Variants in ARL6 observed in about 807,000 individuals in gnomAD.
The protein encoded by ARL6 is ADP-ribosylation factor-like protein 6.
ARL6 carries 18 observed loss-of-function variants against 27.1 expected under a neutral mutation model. The observed-to-expected ratio is 0.66, with a 90% CI of 0.46 to 0.98. The LOEUF is 0.98. Ranked by LOEUF, ARL6 falls within the 50% of genes least tolerant of loss-of-function variation. The probability of loss-of-function intolerance (pLI) is 0.00; values close to 1 mark genes in which losing one functional copy is unlikely to be tolerated. For synonymous variants in ARL6, 65 were observed against 72.3 expected (o/e 0.90, Z 0.51); for missense variants, 187 against 214.9 (o/e 0.87, Z 0.81).
At chr3:97,782,680 A>G (rs1207862647) in intron 4 of ARL6, among the ~76,000 whole-genome samples, 1 of 151,842 alleles carries the variant, frequency 6.6e-6, no homozygotes, top group Non-Finnish European at 1.5e-5. Flanking sequence ...TTTTACTTTT[A>G]GAAAAGTATT....
chr3:97,793,169 T>A (rs565440254), intron 7 of ARL6, among the ~76,000 whole-genome samples: 2 of 152,354 alleles, frequency 1.3e-5, no homozygotes, highest in African/African-American at 4.8e-5. Flanking sequence ...TACTTCTGTG[T>A]CTTTTATGTT....
At chr3:97,780,774 G>C (rs1029263857) in intron 4 of ARL6, 91 bp downstream of exon 4, 4 of 996,064 alleles carry the variant, frequency 4.0e-6, no homozygotes, top group Non-Finnish European at 6.2e-6. Flanking sequence ...AGGTTGTTTG[G>C]CTTTTTTTTT....
intron 7 of ARL6, among the ~76,000 whole-genome samples, chr3:97,796,357 A>T (rs2038003533): frequency 6.6e-6 from 1 of 152,172 alleles, no homozygotes; most frequent in South Asian, 2.1e-4. Flanking sequence ...GTTCTTGGAA[A>T]ATAAGAATAT....
At chr3:97,768,934 T>TGTCA (rs2036513919) in intron 2 of ARL6, among the ~76,000 whole-genome samples, 1 of 152,074 alleles carries the variant, frequency 6.6e-6, no homozygotes, top group African/African-American at 2.4e-5. Flanking sequence ...TTCAAACCTC[T>TGTCA]GTCACTCAGT....
chr3:97,791,868 T>G, intron 7 of ARL6, 42 bp downstream of exon 7: 1 of 1,541,302 alleles, frequency 6.5e-7, no homozygotes. Flanking sequence ...TTTGTTTCCT[T>G]TTTATTCATA....
chr3:97,780,199 T>A lies in ARL6; in HGVS notation c.164T>A (p.Ile55Lys). 6.2e-7 allele frequency: 1 copy of A among 1,612,986 alleles called. No homozygotes were observed. Among genetic ancestry groups the A allele is most frequent in the African/African-American group, 1.3e-5 (1 of 75,026 alleles). The change falls in exon 3 of 8, where the codon ATA becomes AAA. Residue 55 changes from isoleucine (I) to lysine (K), a missense_variant. Transcript: ENST00000463745. ...ATCCTTCCAACAATAGGATTCAGCA[T>A]AGAGAAATTCAAATCATCCAGGTAA... ...QNILPTIGFSIEKFKSSSLSF... is the reference protein window; with the variant it reads ...QNILPTIGFSKEKFKSSSLSF...
intron 7 of ARL6, among the ~76,000 whole-genome samples, chr3:97,793,753 A>G (rs943165074): frequency 6.6e-5 from 10 of 152,146 alleles, no homozygotes; most frequent in Admixed American, 5.9e-4. Flanking sequence ...CATTTTGGAA[A>G]TACTTTTGTG....
At chr3:97,773,434 C>T (rs2036735528) in intron 2 of ARL6, among the ~76,000 whole-genome samples, 1 of 152,132 alleles carries the variant, frequency 6.6e-6, no homozygotes, top group South Asian at 2.1e-4. Flanking sequence ...TTGCATCACT[C>T]AATCCAATCA....
At chr3:97,765,211 GGT>G (rs71113866) in intron 1 of ARL6, among the ~76,000 whole-genome samples, 12,692 of 105,342 alleles carry the variant, frequency 0.12, 641 homozygotes, top group African/African-American at 0.18. Flanking sequence ...GTGTATTGGG[GGT>G]GTGTGTGTGT....
intron 3 of ARL6, 142 bp downstream of exon 3, chr3:97,780,362 G>C (rs2108032754): frequency 1.3e-6 from 1 of 758,668 alleles, no homozygotes; most frequent in Middle Eastern, 3.4e-4. Flanking sequence ...TAACCACTAT[G>C]GCTGGTTTAT....
intron 7 of ARL6, among the ~76,000 whole-genome samples, chr3:97,796,334 CG>C (rs968050082): frequency 1.0e-4 from 15 of 149,728 alleles, no homozygotes; most frequent in African/African-American, 3.4e-4. Context: ...AAAGAAAGAA[CG>C]AAAAAAAATG....
chr3:97,784,820 A>C (rs991850527), intron 4 of ARL6, 135 bp from the exon 5 acceptor site: 9 of 593,774 alleles, frequency 1.5e-5, no homozygotes, highest in African/African-American at 3.7e-5. Flanking sequence ...ATAAGAAACA[A>C]CACCAAAAAT....
chr3:97,779,700 A>G (rs1349302372), intron 2 of ARL6, among the ~76,000 whole-genome samples: 1 of 152,048 alleles, frequency 6.6e-6, no homozygotes, highest in African/African-American at 2.4e-5. Context: ...CCCTGTCTCC[A>G]CTAAAAATAC....
chr3:97,791,554 T>A (rs543179099), intron 6 of ARL6, among the ~76,000 whole-genome samples: 1 of 152,354 alleles, frequency 6.6e-6, no homozygotes, highest in Non-Finnish European at 1.5e-5. Context: ...ATAAAATAAC[T>A]TTTTTCAAAA....
At chr3:97,795,621 A>G (rs984324187) in intron 7 of ARL6, among the ~76,000 whole-genome samples, 2 of 152,226 alleles carry the variant, frequency 1.3e-5, no homozygotes, top group Admixed American at 6.5e-5. Flanking sequence ...GACCTGAGAA[A>G]GCTGAATCTT....
chr3:97,798,185 T>G lies in ARL6; in HGVS notation c.*136T>G, dbSNP rs1320269405. ...TTGCATTTATGGACTCTGACCTTTTTAAGAACATAGGACTTCAGGTATGCT... is the reference window on the plus strand; with the variant it reads ...TTGCATTTATGGACTCTGACCTTTTGAAGAACATAGGACTTCAGGTATGCT... On this transcript the variant is annotated 3_prime_UTR_variant, in exon 8 of 8. Transcript: ENST00000463745. 1.0e-5 allele frequency: 9 copies of G among 892,620 alleles called. No individual in the cohort carries two copies. The East Asian group carries it at 2.2e-4, about 22-fold the overall frequency. 55.3% of individuals were successfully genotyped at this position (892,620 alleles called of 1,614,324 possible).
At chr3:97,796,265 A>G (rs1352724214) in intron 7 of ARL6, among the ~76,000 whole-genome samples, 1 of 152,208 alleles carries the variant, frequency 6.6e-6, no homozygotes, top group Non-Finnish European at 1.5e-5. Context: ...GTTAAAGAGT[A>G]TCCTCAAAGA....
At chr3:97,768,587 G>T (rs1025715364) in intron 2 of ARL6, among the ~76,000 whole-genome samples, 4 of 152,070 alleles carry the variant, frequency 2.6e-5, no homozygotes, top group African/African-American at 9.6e-5. Flanking sequence ...ATTTTTGAAA[G>T]TATAGTATGC....
At chr3:97,790,052 TGTG>T (rs1257173459) in intron 6 of ARL6, among the ~76,000 whole-genome samples, 1 of 23,758 alleles carries the variant, frequency 4.2e-5, no homozygotes, top group East Asian at 1.7e-3. Context: ...GCATCATGAT[TGTG>T]TGTGTGTGTG....
Sources: gnomAD v4.1 joint callset for allele counts (sites outside exome capture counted in the v4.1 genomes callset) on GRCh38, gnomAD v4.1.1 for gene constraint, MANE v1.5 for transcripts, NCBI Gene and HGNC (gene_info 2026-07-23, HGNC 2026-07-21) for gene names.